CAPN14: variants seen among roughly 807,000 people sequenced by gnomAD.
CAPN14 encodes calpain 14.
A neutral mutation model predicts 101.3 loss-of-function variants in CAPN14; 94 were observed. The observed-to-expected ratio is 0.93, with a 90% CI of 0.79 to 1.10. The LOEUF (loss-of-function observed/expected upper bound fraction) is 1.10, where lower values mean the gene tolerates loss of function less well. Among genes scored for constraint, CAPN14 ranks in the 50% least tolerant of loss-of-function variants. The probability of loss-of-function intolerance (pLI) is 0.00; values close to 1 mark genes in which losing one functional copy is unlikely to be tolerated. For missense variants in CAPN14, 837 were observed against 828.4 expected (o/e 1.01, Z -0.13); for synonymous variants, 338 against 317.9 (o/e 1.06, Z -0.67).
At chr2:31,190,382 G>A (rs1474789281) in intron 12 of CAPN14, among the ~76,000 whole-genome samples, 1 of 152,160 alleles carries the variant, frequency 6.6e-6, no homozygotes, top group Non-Finnish European at 1.5e-5. Flanking sequence ...TGATGAGGTA[G>A]GCATTTTTTT....
intron 1 of CAPN14, among the ~76,000 whole-genome samples, chr2:31,212,578 A>G (rs944197003): frequency 6.6e-6 from 1 of 152,154 alleles, no homozygotes; most frequent in African/African-American, 2.4e-5. Flanking sequence ...TCCATTTTAA[A>G]GTGGGAAAAA....
At chr2:31,213,343 T>C (rs534904750) in intron 1 of CAPN14, among the ~76,000 whole-genome samples, 28 of 152,330 alleles carry the variant, frequency 1.8e-4, no homozygotes, top group African/African-American at 6.7e-4. Flanking sequence ...AACTACAGCC[T>C]GGATAAATAA....
chr2:31,218,258 A>G (rs928245292), upstream of CAPN14, among the ~76,000 whole-genome samples: 2 of 97,544 alleles, frequency 2.1e-5, no homozygotes, highest in African/African-American at 4.3e-5. Context: ...TCCTTCTCCT[A>G]GGTTCCCACC....
intron 17 of CAPN14, 24 bp from the exon 18 acceptor site, chr2:31,178,603 G>C (rs1572386623): frequency 1.4e-6 from 2 of 1,470,776 alleles, no homozygotes; most frequent in East Asian, 5.1e-5. Context: ...TAAGGTAAAA[G>C]CTTCCAGGGA....
At chr2:31,215,765 C>T (rs913283288) in intron 1 of CAPN14, among the ~76,000 whole-genome samples, 26 of 151,088 alleles carry the variant, frequency 1.7e-4, no homozygotes, top group African/African-American at 6.1e-4. Context: ...CTGATTAACG[C>T]TACTCCAGAA....
At chr2:31,185,011 T>C (rs531377397) in intron 16 of CAPN14, among the ~76,000 whole-genome samples, 4 of 152,370 alleles carry the variant, frequency 2.6e-5, no homozygotes, top group African/African-American at 9.6e-5. Flanking sequence ...CAGTGGTTTA[T>C]TATCTTCCTG....
chr2:31,215,440 T>C (rs538395022), intron 1 of CAPN14, among the ~76,000 whole-genome samples: 2 of 152,284 alleles, frequency 1.3e-5, no homozygotes, highest in East Asian at 3.9e-4. Context: ...CAAGTCCAAA[T>C]GGCCAGGCTC....
In CAPN14 at chr2:31,192,107, G is replaced by C; in HGVS notation, c.1115-9C>G. Reference sequence around the variant, plus strand: ...GTTCTTCCAAAATGTGTCTGGAGCAGAACACAGCAAGGTGAGAATGGGCCC... The same window carrying C: ...GTTCTTCCAAAATGTGTCTGGAGCACAACACAGCAAGGTGAGAATGGGCCC... On this transcript the variant is annotated splice_polypyrimidine_tract_variant and intron_variant, in intron 10 of 21. Coordinates refer to ENST00000403897, the MANE Select transcript of CAPN14 (RefSeq NM_001145122.2). 1.3e-6 allele frequency: 2 copies of C among 1,539,174 alleles called. No homozygotes were observed. The highest frequency in any genetic ancestry group is 1.8e-6 in the Non-Finnish European group (2 of 1,139,944).
At position 31,201,865 on chromosome 2, in the gene CAPN14, G is replaced by A. The variant is rs1681799778; in HGVS notation, c.548C>T (p.Ala183Val). ...FWGALLEKAYAKLSGSYEDLQ... is the reference protein window; with the variant it reads ...FWGALLEKAYVKLSGSYEDLQ... ...GATATTTCTGCCGGTTTCTTACTTG[G>A]CATAGGCCTTTTCCAGAAGTGCTCC... The change falls in exon 5 of 22, where the codon GCC becomes GTC. Residue 183 changes from alanine to valine, a missense_variant. Ala to Val is a moderately conservative substitution (Grantham distance 64). Coordinates refer to ENST00000403897, the MANE Select transcript of CAPN14 (RefSeq NM_001145122.2). The A allele has an allele frequency of 6.4e-7, 1 of 1,551,400 alleles. No homozygotes were observed. The highest frequency in any genetic ancestry group is 1.4e-5 in the African/African-American group (1 of 73,036).
intron 1 of CAPN14, among the ~76,000 whole-genome samples, chr2:31,206,021 A>ATTTTTTTTTTTTTTTT (rs200116287): frequency 9.2e-6 from 1 of 108,752 alleles, no homozygotes. Context: ...CATTATCTTT[A>ATTTTTTTTTTTTTTTT]TTTTTTTTAT....
At chr2:31,198,932 A>G (rs549390364) in intron 7 of CAPN14, among the ~76,000 whole-genome samples, 18 of 152,280 alleles carry the variant, frequency 1.2e-4, no homozygotes, top group African/African-American at 3.9e-4. Flanking sequence ...TCTCTTATCC[A>G]TGAATTCCTA....
chr2:31,199,540 G>A lies in CAPN14; in HGVS notation c.727-8C>T. 1 of 1,550,070 alleles carries A rather than the reference G, an allele frequency of 6.5e-7. No individual in the cohort carries two copies. Among genetic ancestry groups the A allele is most frequent in the Non-Finnish European group, 8.7e-7 (1 of 1,145,730 alleles). The stretch of plus-strand genomic sequence containing the variant: ...ATTCTCCAGAATCTTCTCCTGCAGA[G>A]ACAAGAGAGGTCCTGATCAGTCTTC... On this transcript the variant is annotated splice_polypyrimidine_tract_variant and splice_region_variant and intron_variant, in intron 6 of 21. Transcript: ENST00000403897.
chr2:31,200,475 G>A lies in CAPN14; in HGVS notation c.702C>T (p.Leu234=). Residue 234 remains leucine, a synonymous_variant, in exon 6 of 22, where the codon CTC becomes CTT. Transcript: ENST00000403897. ...ILIEATYNRT[L]IGCQTHSGEK... The stretch of plus-strand genomic sequence containing the variant: ...CCCCTGAGTGGGTCTGGCAGCCAAT[G>A]AGGGTTCTGTTGTAGGTGGCTTCGA... 1 of 1,550,408 alleles carries A rather than the reference G, an allele frequency of 6.4e-7. No individual in the cohort carries two copies. The highest frequency in any genetic ancestry group is 8.7e-7 in the Non-Finnish European group (1 of 1,146,894).
intron 7 of CAPN14, 48 bp downstream of exon 7, chr2:31,199,421 AG>A (rs1392661513): frequency 6.9e-7 from 1 of 1,452,728 alleles, no homozygotes; most frequent in Admixed American, 2.0e-5. Context: ...GGGTCCAGAG[AG>A]GGAAGGGCAA....
At position 31,177,753 on chromosome 2, in the gene CAPN14, C is replaced by G. The variant is rs1257335633; in HGVS notation, c.1848G>C (p.Arg616Ser). The change falls in exon 19 of 22, where the codon AGG (arginine) becomes AGC (serine). Residue 616 changes from arginine to serine, a missense_variant. By Grantham distance (110) the Arg-to-Ser change is moderately radical (BLOSUM62 -1). Transcript: ENST00000403897. ...AGCTCTTCCTGTGCCTACCTGCCTC[C>G]CTCATGGCAGCGTGCAGCTGCTCCC... ...LNWEQLHAAM[R>S]EAGIMLSDDV... is the part of the protein sequence containing the mutation. 6.4e-7 allele frequency: 1 copy of G among 1,551,716 alleles called. No homozygotes were observed. Among genetic ancestry groups the G allele is most frequent in the Non-Finnish European group, 8.7e-7 (1 of 1,146,796 alleles).
chr2:31,224,415 A>G (rs563379045), intron 2 of CAPN14, among the ~76,000 whole-genome samples: 27 of 152,220 alleles, frequency 1.8e-4, no homozygotes, highest in Non-Finnish European at 3.7e-4. Context: ...AAGTGTTCAA[A>G]GAGATCATCA....
At chr2:31,222,657 A>T (rs1258588028) in intron 2 of CAPN14, among the ~76,000 whole-genome samples, 2 of 152,230 alleles carry the variant, frequency 1.3e-5, no homozygotes, top group Non-Finnish European at 2.9e-5. Flanking sequence ...GTGATTATTC[A>T]CTAATGATTG....
chr2:31,212,186 C>T (rs1374015321), intron 1 of CAPN14, among the ~76,000 whole-genome samples: 7 of 151,724 alleles, frequency 4.6e-5, no homozygotes, highest in Non-Finnish European at 7.4e-5. Context: ...GGTGGGCGCC[C>T]GTAATCCCAG....
intron 16 of CAPN14, among the ~76,000 whole-genome samples, chr2:31,184,249 C>T (rs991161319): frequency 1.3e-5 from 2 of 152,228 alleles, no homozygotes; most frequent in East Asian, 1.9e-4. Flanking sequence ...GGGTGAAGAA[C>T]TTCAGTCAGG....
Sources: allele counts gnomAD v4.1 joint callset (sites outside exome capture counted in the v4.1 genomes callset), GRCh38; gene constraint gnomAD v4.1.1; transcripts MANE v1.5; gene names NCBI Gene and HGNC (gene_info 2026-07-23, HGNC 2026-07-21).